Variants in SNX18 observed in about 807,000 individuals in gnomAD.
SNX18 encodes the protein sorting nexin-18.
Under a neutral mutation model 48.7 loss-of-function variants are expected in SNX18, and 35 were observed. That is an observed-to-expected ratio of 0.72 (90% CI 0.55 to 0.95). The LOEUF (loss-of-function observed/expected upper bound fraction) is 0.95, where lower values mean the gene tolerates loss of function less well. Ranked by LOEUF, SNX18 falls within the 40% of genes least tolerant of loss-of-function variation. The pLI is 0.00. For missense variants in SNX18, 824 were observed against 871.0 expected (o/e 0.95, Z 0.68); for synonymous variants, 492 against 384.7 (o/e 1.28, Z -3.26).
At chr5:54,643,764 G>C in the SNX18 span, 2 of 152,200 alleles carry the variant, frequency 1.3e-5, no homozygotes. Flanking sequence ...GCATCTCAGA[G>C]GGCACCCTGC....
the SNX18 span, among the ~76,000 whole-genome samples, chr5:54,626,280 C>T: frequency 2.0e-5 from 3 of 152,188 alleles, no homozygotes; most frequent in African/African-American, 7.2e-5. Flanking sequence ...TTGTAGTAAA[C>T]TATTTATTCA....
intron 1 of SNX18, among the ~76,000 whole-genome samples, chr5:54,539,187 C>G (rs983236789): frequency 6.6e-6 from 1 of 152,124 alleles, no homozygotes; most frequent in African/African-American, 2.4e-5. Flanking sequence ...CCACACCTGG[C>G]TAACAGTTTC....
the SNX18 span, among the ~76,000 whole-genome samples, chr5:54,585,366 C>T: frequency 4.3e-5 from 6 of 140,846 alleles, no homozygotes; most frequent in Admixed American, 7.8e-5. Flanking sequence ...TTTCTGCTTA[C>T]GAGGAGGAAT....
At chr5:54,546,999 G>A (rs1000424973), downstream of SNX18, among the ~76,000 whole-genome samples, 2 of 152,194 alleles carry the variant, frequency 1.3e-5, no homozygotes, top group African/African-American at 4.8e-5. Flanking sequence ...TCTTGCAAGG[G>A]GCCAAAGTCC....
At chr5:54,642,665 A>G in the SNX18 span, among the ~76,000 whole-genome samples, 2 of 152,210 alleles carry the variant, frequency 1.3e-5, no homozygotes, top group Non-Finnish European at 2.9e-5. Context: ...AAACTTATAA[A>G]CAAAAGTTAG....
At chr5:54,549,298 A>G (rs953871115), downstream of SNX18, among the ~76,000 whole-genome samples, 1 of 152,194 alleles carries the variant, frequency 6.6e-6, no homozygotes, top group African/African-American at 2.4e-5. Context: ...CACCTGTACT[A>G]TGGAAAATTA....
intron 1 of SNX18, 133 bp downstream of exon 1, chr5:54,519,706 C>A (rs759621029): frequency 1.2e-6 from 2 of 1,614,178 alleles, no homozygotes; most frequent in Non-Finnish European, 8.5e-7. Flanking sequence ...GACGTGGACG[C>A]CTGGGTCTTT....
chr5:54,525,921 GT>G (rs1762123806), intron 1 of SNX18, among the ~76,000 whole-genome samples: 2 of 152,258 alleles, frequency 1.3e-5, no homozygotes, highest in South Asian at 4.2e-4. Context: ...ATTTATGCAC[GT>G]TTAGTTCAGA....
chr5:54,563,295 C>A, the SNX18 span, among the ~76,000 whole-genome samples: 3 of 152,208 alleles, frequency 2.0e-5, no homozygotes, highest in African/African-American at 7.2e-5. Context: ...CACTGACTCA[C>A]CCAGACCAGC....
At position 54,518,486 on chromosome 5, in the gene SNX18, C is replaced by T; in HGVS notation, c.534C>T (p.Asp178=). 6.4e-7 allele frequency: 1 copy of T among 1,570,742 alleles called. No individual in the cohort carries two copies. ...CTCTGGGCAGCGGAGCATACCCGGA[C>T]CTCGACGGCTCGTCTTCGGCGGGTG... ...PGALGSGAYP[D]LDGSSSAGVG... The change falls in exon 1 of 2, where the codon GAC becomes GAT. Residue 178 remains aspartate, a synonymous_variant. Transcript: ENST00000381410.
At chr5:54,539,462 C>G (rs1762422830) in intron 1 of SNX18, among the ~76,000 whole-genome samples, 1 of 152,228 alleles carries the variant, frequency 6.6e-6, no homozygotes, top group Admixed American at 6.5e-5. Flanking sequence ...CTGCCCTCCA[C>G]CCTGCCACCA....
chr5:54,627,862 C>T, the SNX18 span, among the ~76,000 whole-genome samples: 5 of 152,128 alleles, frequency 3.3e-5, no homozygotes, highest in African/African-American at 1.2e-4. Flanking sequence ...GGATGAGAAC[C>T]CATAACTAAA....
Position 54,519,353 on chromosome 5 carries a change from GGGCCAGTCCTTCCGCGGCCTC to G in SNX18, c.1402_1422del (p.Gly468_Leu474del). The G allele has an allele frequency of 6.2e-7, 1 of 1,613,254 alleles. No individual in the cohort carries two copies. The highest frequency in any genetic ancestry group is 8.5e-7 in the Non-Finnish European group (1 of 1,179,438). On this transcript the variant is annotated inframe_deletion, in exon 1 of 2. Coordinates refer to ENST00000381410, the MANE Select transcript of SNX18 (RefSeq NM_001102575.2). ...GCTTCAAAAAGGAGTATCAGAAGGTGGGCCAGTCCTTCCGCGGCCTCAGCCAGGCCTTTGAGCTGGACCAGC... is the reference window on the plus strand; with the variant it reads ...GCTTCAAAAAGGAGTATCAGAAGGTGAGCCAGGCCTTTGAGCTGGACCAGC...
chr5:54,594,385 G>C, the SNX18 span, among the ~76,000 whole-genome samples: 6 of 152,298 alleles, frequency 3.9e-5, no homozygotes, highest in Middle Eastern at 3.4e-3. Flanking sequence ...GTGCAGAAAA[G>C]AGTTAACACA....
the SNX18 span, among the ~76,000 whole-genome samples, chr5:54,565,733 G>A: frequency 1.3e-5 from 2 of 152,146 alleles, no homozygotes; most frequent in South Asian, 2.1e-4. Flanking sequence ...TTATCAGTAG[G>A]GACTTGAATT....
At chr5:54,639,240 G>T in the SNX18 span, among the ~76,000 whole-genome samples, 1 of 152,084 alleles carries the variant, frequency 6.6e-6, no homozygotes, top group Non-Finnish European at 1.5e-5. Flanking sequence ...GCAATCTAGG[G>T]ACATGAGCAT....
At chr5:54,602,235 T>G in the SNX18 span, among the ~76,000 whole-genome samples, 4 of 152,172 alleles carry the variant, frequency 2.6e-5, no homozygotes, top group African/African-American at 9.7e-5. Flanking sequence ...GACCTGAGGC[T>G]GCCTATCTGG....
chr5:54,591,583 A>T, the SNX18 span, among the ~76,000 whole-genome samples: 8 of 152,340 alleles, frequency 5.3e-5, no homozygotes, highest in Admixed American at 4.6e-4. Context: ...TGGCACTGTG[A>T]GCACTCAAAA....
At chr5:54,641,717 T>C in the SNX18 span, among the ~76,000 whole-genome samples, 6 of 152,218 alleles carry the variant, frequency 3.9e-5, no homozygotes, top group Non-Finnish European at 8.8e-5. Flanking sequence ...TAGAGTCACA[T>C]TGAGGAGGAC....
Sources: gnomAD v4.1 joint callset for allele counts (sites outside exome capture counted in the v4.1 genomes callset) on GRCh38, gnomAD v4.1.1 for gene constraint, MANE v1.5 for transcripts, NCBI Gene and HGNC (gene_info 2026-07-23, HGNC 2026-07-21) for gene names.